AXDND1: variants seen among roughly 807,000 people sequenced by gnomAD.
The protein encoded by AXDND1 is axonemal dynein light chain domain containing 1, also known as axonemal dynein light chain domain-containing protein 1.
AXDND1 carries 110 observed loss-of-function variants against 137.5 expected under a neutral mutation model. The observed-to-expected ratio is 0.80, with a 90% CI of 0.69 to 0.94. AXDND1 has a LOEUF of 0.94. Ranked by LOEUF, AXDND1 falls within the 40% of genes least tolerant of loss-of-function variation. The pLI is 0.00. For synonymous variants in AXDND1, 414 were observed against 399.7 expected (o/e 1.04, Z -0.43); for missense variants, 1,191 against 1,169.8 (o/e 1.02, Z -0.26).
chr1:179,417,578 G>C (rs1017544060), intron 12 of AXDND1, among the ~76,000 whole-genome samples: 2 of 152,066 alleles, frequency 1.3e-5, no homozygotes, highest in African/African-American at 4.8e-5. Context: ...CTGTGTGTCT[G>C]CTTTTATGCC....
intron 17 of AXDND1, among the ~76,000 whole-genome samples, chr1:179,478,489 A>G (rs1010322274): frequency 6.6e-6 from 1 of 152,180 alleles, no homozygotes; most frequent in Non-Finnish European, 1.5e-5. Context: ...CCATGGCCCC[A>G]GCTGTATCTT....
At chr1:179,398,871 TGGGGGGA>T (rs890010902) in intron 11 of AXDND1, among the ~76,000 whole-genome samples, 3 of 135,668 alleles carry the variant, frequency 2.2e-5, no homozygotes, top group Non-Finnish European at 3.2e-5. Flanking sequence ...TGGCAGGGGT[TGGGGGGA>T]GGGTGTGGAA....
intron 19 of AXDND1, among the ~76,000 whole-genome samples, chr1:179,492,081 A>G (rs1349249654): frequency 6.6e-6 from 1 of 152,104 alleles, no homozygotes; most frequent in African/African-American, 2.4e-5. Flanking sequence ...GTGTACCGTC[A>G]TGTATTTTTT....
chr1:179,459,241 C>T (rs569963442), intron 16 of AXDND1, among the ~76,000 whole-genome samples: 1 of 152,286 alleles, frequency 6.6e-6, no homozygotes, highest in East Asian at 1.9e-4. Context: ...ATCCTCCTGC[C>T]TCAGCCTCCT....
rs11586725 is a variant in AXDND1, at chr1:179,548,331, A to G, written c.3032-6181A>G. ...ATATGCATTATCTTATTTAATCACA[A>G]CTCTGTGAGGTGGATCCTACTTTTA... is the stretch of plus-strand genomic sequence containing the variant. On this transcript the variant is annotated intron_variant, in intron 25 of 25. Transcript: ENST00000367618. Among the ~76,000 whole-genome samples, 819 of 152,132 alleles carry G rather than the reference A, an allele frequency of 5.4e-3. 6 individuals are homozygous for G. Among genetic ancestry groups the G allele is most frequent in the African/African-American group, 0.019 (787 of 41,500 alleles).
intron 12 of AXDND1, among the ~76,000 whole-genome samples, chr1:179,423,441 A>G (rs1213603338): frequency 1.3e-5 from 2 of 152,100 alleles, no homozygotes; most frequent in African/African-American, 2.4e-5. Context: ...ATTCAGTGTT[A>G]TTATTGATAA....
At chr1:179,464,436 A>T (rs982162559) in intron 16 of AXDND1, among the ~76,000 whole-genome samples, 5 of 152,164 alleles carry the variant, frequency 3.3e-5, no homozygotes, top group Non-Finnish European at 7.4e-5. Context: ...AATGTTGAAT[A>T]TTGGCCCCCA....
At chr1:179,490,715 G>C (rs184121640) in intron 18 of AXDND1, among the ~76,000 whole-genome samples, 1 of 150,446 alleles carries the variant, frequency 6.6e-6, no homozygotes, top group East Asian at 1.9e-4. Flanking sequence ...CAGATTGGAC[G>C]TTACCACCTT....
intron 16 of AXDND1, among the ~76,000 whole-genome samples, chr1:179,461,813 A>G (rs1558214978): frequency 6.6e-6 from 1 of 152,150 alleles, no homozygotes; most frequent in Admixed American, 6.5e-5. Context: ...CTTTGAAGCA[A>G]TTGTGAGTGG....
chr1:179,447,725 T>C, intron 16 of AXDND1: 1 of 1,348,274 alleles, frequency 7.4e-7, no homozygotes, highest in South Asian at 1.2e-5. Context: ...TTACCTAAAC[T>C]ATTTGCACCA....
intron 17 of AXDND1, among the ~76,000 whole-genome samples, chr1:179,473,286 T>G (rs975770631): frequency 6.6e-6 from 1 of 151,994 alleles, no homozygotes; most frequent in Admixed American, 6.6e-5. Context: ...TCACCTGAGG[T>G]CAGGAGTTCA....
chr1:179,425,812 GT>G (rs201160559), intron 12 of AXDND1, among the ~76,000 whole-genome samples: 36,594 of 136,622 alleles, frequency 0.27, 4,628 homozygotes, highest in African/African-American at 0.3. Context: ...GTGTGTGTGT[GT>G]AAAGAGAGAA....
intron 9 of AXDND1, among the ~76,000 whole-genome samples, chr1:179,385,620 T>A (rs59863033): frequency 0.11 from 16,534 of 152,212 alleles, 1,082 homozygotes; most frequent in East Asian, 0.35. Flanking sequence ...AGTTTTATAG[T>A]TTTGTTATAC....
chr1:179,488,673 TTC>T (rs1666453220), intron 18 of AXDND1, among the ~76,000 whole-genome samples: 2 of 138,504 alleles, frequency 1.4e-5, no homozygotes, highest in East Asian at 2.0e-4. Context: ...CTTTCTTTCT[TTC>T]TTTCTTTCTT....
intron 20 of AXDND1, among the ~76,000 whole-genome samples, chr1:179,498,003 C>G (rs1182826990): frequency 6.6e-6 from 1 of 151,976 alleles, no homozygotes; most frequent in African/African-American, 2.4e-5. Context: ...TGAAAGAAAT[C>G]AGAGATGACA....
intron 18 of AXDND1, among the ~76,000 whole-genome samples, chr1:179,487,522 TGC>T (rs1666215835): frequency 2.3e-5 from 1 of 43,708 alleles, no homozygotes; most frequent in Admixed American, 3.5e-4. Flanking sequence ...TTTTTATAAT[TGC>T]AGGTTTAAAT....
At chr1:179,440,649 A>C (rs549315686) in intron 15 of AXDND1, among the ~76,000 whole-genome samples, 1 of 152,324 alleles carries the variant, frequency 6.6e-6, no homozygotes, top group East Asian at 1.9e-4. Flanking sequence ...GAAACACAGA[A>C]CCAATCAATT....
At chr1:179,404,297 C>G (rs1652587268) in intron 11 of AXDND1, among the ~76,000 whole-genome samples, 1 of 150,700 alleles carries the variant, frequency 6.6e-6, no homozygotes, top group Non-Finnish European at 1.5e-5. Flanking sequence ...TCTTGGCTCA[C>G]TGCAACCTCT....
rs553494450 is a variant in AXDND1 at position 179,457,097 on chromosome 1, T to C, written c.1799-11346T>C. The C allele has an allele frequency of 3.1e-5, 40 of 1,309,140 alleles. No homozygotes were observed. In the East Asian group the frequency reaches 9.3e-4, roughly 30 times the overall value. The allele number at this position is 1,309,140 out of a possible 1,614,324, so 81.1% of individuals were successfully genotyped here. ...TCTCTTTGGTTCCACAACTCTTCCA[T>C]CCACCTTTTGTGGCCTTGCATTCAT... On this transcript the variant is annotated intron_variant, in intron 16 of 25. Transcript: ENST00000367618.
Sources: allele counts gnomAD v4.1 joint callset (sites outside exome capture counted in the v4.1 genomes callset), GRCh38; gene constraint gnomAD v4.1.1; transcripts MANE v1.5; gene names NCBI Gene and HGNC (gene_info 2026-07-23, HGNC 2026-07-21).